NUBPL: variants seen among roughly 807,000 people sequenced by gnomAD.
NUBPL encodes NUBP iron-sulfur cluster assembly factor, mitochondrial, also known as iron-sulfur cluster transfer protein NUBPL.
Under a neutral mutation model 45.7 loss-of-function variants are expected in NUBPL, and 31 were observed. That is an observed-to-expected ratio of 0.68 (90% CI 0.51 to 0.92). The LOEUF (loss-of-function observed/expected upper bound fraction) is 0.92. Ranked by LOEUF, NUBPL falls within the 40% of genes least tolerant of loss-of-function variation. The probability of loss-of-function intolerance (pLI) is 0.00; values close to 1 mark genes in which losing one functional copy is unlikely to be tolerated. For missense variants in NUBPL, 401 were observed against 398.7 expected (o/e 1.01, Z -0.05); for synonymous variants, 144 against 140.9 (o/e 1.02, Z -0.15).
intron 6 of NUBPL, among the ~76,000 whole-genome samples, chr14:31,679,772 G>T (rs1233490728): frequency 6.6e-6 from 1 of 152,012 alleles, no homozygotes; most frequent in Non-Finnish European, 1.5e-5. Context: ...GATTCAATTT[G>T]TGCAGAAAAG....
chr14:31,726,183 T>C (rs1475089795), intron 6 of NUBPL, among the ~76,000 whole-genome samples: 2 of 152,226 alleles, frequency 1.3e-5, no homozygotes, highest in Non-Finnish European at 2.9e-5. Context: ...CCTAAAGTCA[T>C]ATAGAACCTG....
intron 3 of NUBPL, among the ~76,000 whole-genome samples, chr14:31,589,891 A>G (rs1479593295): frequency 6.6e-6 from 1 of 152,196 alleles, no homozygotes; most frequent in Non-Finnish European, 1.5e-5. Flanking sequence ...TCTTTGGTCT[A>G]CCTTTTAAAA....
At chr14:31,800,790 C>A (rs1250325757) in intron 7 of NUBPL, 4 of 152,162 alleles carry the variant, frequency 2.6e-5, no homozygotes, top group African/African-American at 9.7e-5. Flanking sequence ...GTAAAGACTT[C>A]ATGCTTCATA....
At chr14:31,576,228 G>A (rs1214826662) in intron 3 of NUBPL, among the ~76,000 whole-genome samples, 1 of 152,090 alleles carries the variant, frequency 6.6e-6, no homozygotes, top group Non-Finnish European at 1.5e-5. Context: ...TTGGCATGGG[G>A]GATACAAAAT....
chr14:31,826,853 C>G, intron 8 of NUBPL, 139 bp downstream of exon 8: 1 of 762,700 alleles, frequency 1.3e-6, no homozygotes. Flanking sequence ...ATTTTGGTGA[C>G]TTTAAAAACA....
At chr14:31,658,848 A>G (rs950618406) in intron 4 of NUBPL, among the ~76,000 whole-genome samples, 2 of 152,192 alleles carry the variant, frequency 1.3e-5, no homozygotes, top group East Asian at 3.9e-4. Flanking sequence ...AGCTGTTTAC[A>G]GAATTGTTTT....
intron 6 of NUBPL, among the ~76,000 whole-genome samples, chr14:31,698,956 G>A (rs7158027): frequency 0.3 from 44,847 of 151,714 alleles, 7,471 homozygotes; most frequent in South Asian, 0.41. Flanking sequence ...CTGGGTTCAA[G>A]CAATTCTCCT....
rs8009030 is a variant in NUBPL, at chr14:31,850,365, A to G, written c.897+164A>G. ...TCTTTAAGTTACTGTCATGTACAGTAAGCTTCCAGTGCTGGCTCTAAATTA... is the reference window on the plus strand; with the variant it reads ...TCTTTAAGTTACTGTCATGTACAGTGAGCTTCCAGTGCTGGCTCTAAATTA... On this transcript the variant is annotated intron_variant, in intron 10 of 10. Coordinates refer to ENST00000281081, the MANE Select transcript of NUBPL (RefSeq NM_025152.3). Among the ~76,000 whole-genome samples the G allele has an allele frequency of 0.26, 39,860 of 152,134 alleles. 7,914 individuals carry two copies. Among genetic ancestry groups the G allele is most frequent in the African/African-American group, 0.56 (23,340 of 41,444 alleles).
intron 6 of NUBPL, among the ~76,000 whole-genome samples, chr14:31,707,218 C>A (rs150948319): frequency 6.6e-6 from 1 of 152,170 alleles, no homozygotes; most frequent in Non-Finnish European, 1.5e-5. Flanking sequence ...AGGAAGGCTA[C>A]GGATTGTCAG....
chr14:31,852,575 G>T (rs541768579), intron 10 of NUBPL, among the ~76,000 whole-genome samples: 1 of 152,148 alleles, frequency 6.6e-6, no homozygotes, highest in Admixed American at 6.5e-5. Context: ...GGAGGCTGAG[G>T]CAGGAGAATC....
At chr14:31,716,667 C>T (rs1050007931) in intron 6 of NUBPL, among the ~76,000 whole-genome samples, 1 of 152,200 alleles carries the variant, frequency 6.6e-6, no homozygotes, top group Non-Finnish European at 1.5e-5. Context: ...GGAACCTTTT[C>T]TGATTTTGTG....
intron 6 of NUBPL, among the ~76,000 whole-genome samples, chr14:31,764,292 A>G (rs866528010): frequency 6.6e-6 from 1 of 152,152 alleles, no homozygotes; most frequent in Non-Finnish European, 1.5e-5. Flanking sequence ...TTTCAGTTTT[A>G]TAGAGAGCAA....
chr14:31,748,160 A>G (rs1595575860), intron 6 of NUBPL, among the ~76,000 whole-genome samples: 1 of 152,028 alleles, frequency 6.6e-6, no homozygotes, highest in African/African-American at 2.4e-5. Context: ...TGATCAGAGG[A>G]GATAGTATGT....
At chr14:31,784,281 A>T (rs984795001) in intron 6 of NUBPL, among the ~76,000 whole-genome samples, 2 of 152,160 alleles carry the variant, frequency 1.3e-5, no homozygotes, top group Non-Finnish European at 2.9e-5. Flanking sequence ...TGTTTTCTTT[A>T]CAGCTGGTTT....
chr14:31,767,169 G>A (rs1037252202), intron 6 of NUBPL, among the ~76,000 whole-genome samples: 2 of 152,028 alleles, frequency 1.3e-5, no homozygotes, highest in Non-Finnish European at 2.9e-5. Flanking sequence ...ATTTTAGCCA[G>A]GACAAACAGC....
intron 6 of NUBPL, among the ~76,000 whole-genome samples, chr14:31,685,337 A>T (rs925389057): frequency 6.6e-6 from 1 of 152,184 alleles, no homozygotes; most frequent in Admixed American, 6.5e-5. Context: ...AAAAGATTAT[A>T]GGGGTTTAAG....
At chr14:31,576,023 G>T (rs2033707979) in intron 3 of NUBPL, among the ~76,000 whole-genome samples, 1 of 152,158 alleles carries the variant, frequency 6.6e-6, no homozygotes, top group East Asian at 1.9e-4. Flanking sequence ...GAGGGGCTCA[G>T]AAACTATATT....
intron 6 of NUBPL, among the ~76,000 whole-genome samples, chr14:31,710,046 G>T (rs1426087505): frequency 6.6e-6 from 1 of 152,144 alleles, no homozygotes; most frequent in East Asian, 1.9e-4. Context: ...TCAAGCTGCA[G>T]GATAGTATTG....
chr14:31,823,136 C>T (rs1306952116), intron 7 of NUBPL, among the ~76,000 whole-genome samples: 1 of 151,896 alleles, frequency 6.6e-6, no homozygotes, highest in African/African-American at 2.4e-5. Context: ...TCATCAAAAC[C>T]AGAATCTGGA....
Sources: allele counts gnomAD v4.1 joint callset (sites outside exome capture counted in the v4.1 genomes callset), GRCh38; gene constraint gnomAD v4.1.1; transcripts MANE v1.5; gene names NCBI Gene and HGNC (gene_info 2026-07-23, HGNC 2026-07-21).